Variants in PPP1CC observed in about 807,000 individuals in gnomAD.
PPP1CC encodes the protein serine/threonine-protein phosphatase PP1-gamma catalytic subunit.
Under a neutral mutation model 38.4 loss-of-function variants are expected in PPP1CC, and 16 were observed. The observed-to-expected ratio is 0.42, with a 90% CI of 0.28 to 0.63. The LOEUF (loss-of-function observed/expected upper bound fraction) is 0.63, where lower values mean the gene tolerates loss of function less well. Ranked by LOEUF, PPP1CC falls within the 30% of genes least tolerant of loss-of-function variation. The pLI, the probability that PPP1CC is intolerant of heterozygous loss-of-function variation, is 0.25. For synonymous variants in PPP1CC, 158 were observed against 136.0 expected, an observed-to-expected ratio of 1.16 and a Z score of -1.13; for missense variants, 170 against 391.3, an observed-to-expected ratio of 0.43 and a Z score of 4.77.
chr12:110,737,148 T>C (rs1364219202), intron 1 of PPP1CC, among the ~76,000 whole-genome samples: 1 of 152,190 alleles, frequency 6.6e-6, no homozygotes, highest in Non-Finnish European at 1.5e-5. Flanking sequence ...GACTGAGTTC[T>C]TTTCTGCAAA....
chr12:110,720,270 G>T lies in PPP1CC; in HGVS notation c.*806C>A. The stretch of plus-strand genomic sequence containing the variant: ...GTATAAAATGTTATTACCTTTTATC[G>T]TTAGTAGCTTAAACAGCACTATATC... On this transcript the variant is annotated 3_prime_UTR_variant, in exon 7 of 7. Coordinates refer to ENST00000335007, the MANE Select transcript of PPP1CC (RefSeq NM_002710.4). 1 of 1,362,860 alleles carries T rather than the reference G, an allele frequency of 7.3e-7. No individual in the cohort carries two copies. The highest frequency in any genetic ancestry group is 1.3e-5 in the South Asian group (1 of 79,280). The allele number at this position is 1,362,860 out of a possible 1,614,324, so 84.4% of individuals were successfully genotyped here.
At chr12:110,742,080 A>G (rs2070023400) in intron 1 of PPP1CC, among the ~76,000 whole-genome samples, 3 of 152,196 alleles carry the variant, frequency 2.0e-5, no homozygotes, top group Admixed American at 2.0e-4. Flanking sequence ...GCAGGCGAAG[A>G]CAGGTTCTCA....
rs1042159984 is a variant in PPP1CC, at chr12:110,722,779, G to C, written c.524-84C>G. ...CCTTCAAAAGTTCCATTTGTCTACAGAGAAATTCAATAATCCTGACATAAA... is the reference window on the plus strand; with the variant it reads ...CCTTCAAAAGTTCCATTTGTCTACACAGAAATTCAATAATCCTGACATAAA... On this transcript the variant is annotated intron_variant, in intron 4 of 6. Coordinates refer to ENST00000335007, the MANE Select transcript of PPP1CC (RefSeq NM_002710.4). The surrounding 1 kb of genome is among the most constrained non-coding windows in gnomAD (Gnocchi z 5.4). The C allele has an allele frequency of 2.0e-6, 2 of 1,000,188 alleles. No homozygotes were observed. The highest frequency in any genetic ancestry group is 2.9e-6 in the Non-Finnish European group (2 of 696,568). 62.0% of individuals were successfully genotyped at this position (1,000,188 alleles called of 1,614,324 possible). A position where few individuals can be genotyped will look rare whatever the true frequency, so the allele number is the denominator to read the frequency against.
intron 1 of PPP1CC, among the ~76,000 whole-genome samples, chr12:110,739,076 T>G (rs1566089046): frequency 6.6e-6 from 1 of 152,098 alleles, no homozygotes; most frequent in Non-Finnish European, 1.5e-5. Flanking sequence ...TCCCAGCACT[T>G]TGGGAGTCTG....
chr12:110,727,409 C>CA (rs1271982594), intron 3 of PPP1CC, among the ~76,000 whole-genome samples: 1 of 152,168 alleles, frequency 6.6e-6, no homozygotes, highest in Non-Finnish European at 1.5e-5. Context: ...AAGGCTACCT[C>CA]AGACCACTAG....
In PPP1CC at chr12:110,742,815, C is replaced by G; in HGVS notation, c.-108G>C. ...GCAGAGGCGGTGGTGGCGGCGGTGGCAGCAGCCGCGGCGGGTCCCCCCCCT... is the reference window on the plus strand; with the variant it reads ...GCAGAGGCGGTGGTGGCGGCGGTGGGAGCAGCCGCGGCGGGTCCCCCCCCT... On this transcript the variant is annotated 5_prime_UTR_variant, in exon 1 of 7. Coordinates refer to ENST00000335007, the MANE Select transcript of PPP1CC (RefSeq NM_002710.4). 1 of 940,278 alleles carries G rather than the reference C, an allele frequency of 1.1e-6. No individual in the cohort carries two copies. Among genetic ancestry groups the G allele is most frequent in the Non-Finnish European group, 1.4e-6 (1 of 702,526 alleles). 58.2% of individuals were successfully genotyped at this position (940,278 alleles called of 1,614,324 possible). A position where few individuals can be genotyped will look rare whatever the true frequency, so the allele number is the denominator to read the frequency against.
the PPP1CC span, among the ~76,000 whole-genome samples, chr12:110,713,956 C>T: frequency 3.9e-5 from 6 of 151,930 alleles, no homozygotes; most frequent in Non-Finnish European, 8.8e-5. Flanking sequence ...AAAATTAGCT[C>T]GGCGTGGTGG....
chr12:110,725,434 G>A (rs912743660), intron 3 of PPP1CC: 2 of 152,384 alleles, frequency 1.3e-5, no homozygotes, highest in East Asian at 3.9e-4. Flanking sequence ...ACTCTAGCAG[G>A]AGGCACAATG....
intron 2 of PPP1CC, among the ~76,000 whole-genome samples, chr12:110,731,024 GTTA>G (rs2069865753): frequency 6.6e-6 from 1 of 152,122 alleles, no homozygotes; most frequent in African/African-American, 2.4e-5. Context: ...TGTGGAAAGG[GTTA>G]TTATGTCCAA....
chr12:110,712,550 GA>G, the PPP1CC span, among the ~76,000 whole-genome samples: 2 of 137,346 alleles, frequency 1.5e-5, no homozygotes, highest in East Asian at 4.6e-4. Flanking sequence ...TGAGGCAGGA[GA>G]ATCACTTGAA....
chr12:110,721,610 T>C (rs2069739798), intron 6 of PPP1CC: 1 of 168,372 alleles, frequency 5.9e-6, no homozygotes, highest in African/African-American at 2.4e-5. Context: ...GGTGGCTGTA[T>C]TTATGTTTAT....
At chr12:110,730,420 A>C in intron 3 of PPP1CC, 109 bp downstream of exon 3, 1 of 882,422 alleles carries the variant, frequency 1.1e-6, no homozygotes, top group Non-Finnish European at 1.7e-6. Flanking sequence ...ATGAGAGATG[A>C]TACCACTGCA....
At chr12:110,729,788 G>A (rs769605846) in intron 3 of PPP1CC, among the ~76,000 whole-genome samples, 3 of 152,178 alleles carry the variant, frequency 2.0e-5, no homozygotes, top group Non-Finnish European at 4.4e-5. Context: ...GGACTATGGT[G>A]ATGGTCGCAT....
chr12:110,730,117 G>A (rs931079736), intron 3 of PPP1CC, among the ~76,000 whole-genome samples: 14 of 152,240 alleles, frequency 9.2e-5, no homozygotes, highest in African/African-American at 3.4e-4. Flanking sequence ...CCAGTACTTT[G>A]AGTGGCCTAG....
chr12:110,726,198 G>C (rs2069796847), intron 3 of PPP1CC: 1 of 152,242 alleles, frequency 6.6e-6, no homozygotes, highest in African/African-American at 2.4e-5. Flanking sequence ...CAACTGACCT[G>C]AACCACACCT....
chr12:110,732,800 C>T (rs2069893776), intron 1 of PPP1CC: 2 of 152,174 alleles, frequency 1.3e-5, no homozygotes, highest in African/African-American at 4.8e-5. Context: ...AACTTTGCAA[C>T]AGAACTCACT....
chr12:110,719,185 A>G (rs1463684190), downstream of PPP1CC, among the ~76,000 whole-genome samples: 1 of 152,110 alleles, frequency 6.6e-6, no homozygotes, highest in Non-Finnish European at 1.5e-5. Flanking sequence ...TATTACGTAA[A>G]AGTGAAACAG....
chr12:110,724,450 C>G (rs534385027), intron 4 of PPP1CC, among the ~76,000 whole-genome samples: 1 of 152,222 alleles, frequency 6.6e-6, no homozygotes, highest in South Asian at 2.1e-4. Flanking sequence ...ACCTAGCTTA[C>G]AGAGTCTAGA....
At chr12:110,717,105 G>C (rs1239565614), downstream of PPP1CC, among the ~76,000 whole-genome samples, 1 of 152,128 alleles carries the variant, frequency 6.6e-6, no homozygotes, top group South Asian at 2.1e-4. Flanking sequence ...CTTATACCAG[G>C]GCTGTTTCCT....
Sources: allele counts gnomAD v4.1 joint callset (sites outside exome capture counted in the v4.1 genomes callset), GRCh38; gene constraint gnomAD v4.1.1; non-coding constraint Gnocchi (gnomAD v3.1); transcripts MANE v1.5; gene names NCBI Gene and HGNC (gene_info 2026-07-23, HGNC 2026-07-21).